The following BAZ2B variants were observed in gnomAD, a reference collection of about 807,000 sequenced individuals.
BAZ2B encodes the protein bromodomain adjacent to zinc finger domain protein 2B.
In BAZ2B, 91 loss-of-function variants were observed where a neutral mutation model predicts 246.0. The ratio of observed to expected loss-of-function variants is 0.37; its 90% CI spans 0.31 to 0.44. BAZ2B has a LOEUF of 0.44. BAZ2B is among the 20% of genes least tolerant of loss of function. The probability of loss-of-function intolerance (pLI) is 1.00; values close to 1 mark genes in which losing one functional copy is unlikely to be tolerated. For synonymous variants in BAZ2B, 855 were observed against 860.0 expected (o/e 0.99, Z 0.10); for missense variants, 2,332 against 2,533.7 (o/e 0.92, Z 1.71).
At chr2:159,657,039 A>G in the BAZ2B span, among the ~76,000 whole-genome samples, 1 of 151,978 alleles carries the variant, frequency 6.6e-6, no homozygotes, top group Non-Finnish European at 1.5e-5. Context: ...TGCTTTTGGT[A>G]TTGTATCTAA....
intron 1 of BAZ2B, among the ~76,000 whole-genome samples, chr2:159,602,579 C>T (rs1164984874): frequency 6.6e-6 from 1 of 152,094 alleles, no homozygotes; most frequent in Non-Finnish European, 1.5e-5. Context: ...AATGATTGTA[C>T]AACTACATTT....
At chr2:159,503,334 C>T (rs1156897707) in intron 2 of BAZ2B, among the ~76,000 whole-genome samples, 1 of 152,140 alleles carries the variant, frequency 6.6e-6, no homozygotes, top group Non-Finnish European at 1.5e-5. Context: ...ACTGTCTCCT[C>T]CTGCATCCAT....
chr2:159,557,667 T>G (rs1406735690), intron 1 of BAZ2B, among the ~76,000 whole-genome samples: 1 of 152,150 alleles, frequency 6.6e-6, no homozygotes, highest in Non-Finnish European at 1.5e-5. Flanking sequence ...CTGTTAGCTT[T>G]AACTCCATGA....
At position 159,438,690 on chromosome 2, in the gene BAZ2B, T is replaced by C. The variant is rs748200552; in HGVS notation, c.906A>G (p.Leu302=). The C allele has an allele frequency of 2.3e-5, 37 of 1,591,460 alleles. No homozygotes were observed. In the South Asian group the frequency reaches 3.8e-4, roughly 16 times the overall value. ...EAQHKSNNQV[L]LHGISDPKAD... The stretch of plus-strand genomic sequence containing the variant: ...CTTTTGGGTCTGAAATACCATGTAA[T>C]AGCACCTAGATATAAAAATGAAAAG... Residue 302 remains leucine, a synonymous_variant, in exon 8 of 37, where the codon CTA becomes CTG. Coordinates refer to ENST00000392783, the MANE Select transcript of BAZ2B (RefSeq NM_013450.4).
Position 159,428,370 on chromosome 2 carries a change from C to T in BAZ2B, c.2305G>A (p.Glu769Lys). ...CCACATGGAGCATAATATGCTACTT[C>T]TCCTTGAAGGCGCCCTCCAAAGTTT... ...IRNFGGRLQGEVAYYAPCGKK... is the reference protein window; with the variant it reads ...IRNFGGRLQGKVAYYAPCGKK... The change falls in exon 12 of 37, where the codon GAA becomes AAA. Residue 769 changes from glutamate (E) to lysine (K), a missense_variant. Physicochemically the swap from Glu to Lys is moderately conservative, Grantham distance 56 (BLOSUM62 1). This residue lies in a region of BAZ2B where 651 missense variants were observed against 650.9 expected (regional missense o/e 1.00). Transcript: ENST00000392783. The T allele has an allele frequency of 1.2e-6, 2 of 1,613,302 alleles. No homozygotes were observed. Among genetic ancestry groups the T allele is most frequent in the Non-Finnish European group, 8.5e-7 (1 of 1,179,640 alleles).
At chr2:159,682,015 A>G in the BAZ2B span, among the ~76,000 whole-genome samples, 1 of 152,160 alleles carries the variant, frequency 6.6e-6, no homozygotes, top group Non-Finnish European at 1.5e-5. Flanking sequence ...TCTCAGGATT[A>G]GTATAAATGG....
chr2:159,357,602 A>ATTCAGG (rs1474602239), intron 27 of BAZ2B, among the ~76,000 whole-genome samples: 2 of 150,358 alleles, frequency 1.3e-5, no homozygotes, highest in Admixed American at 6.6e-5. Context: ...CCAACATTAA[A>ATTCAGG]AAATACAGAG....
At chr2:159,340,401 G>C (rs2066456982) in intron 31 of BAZ2B, among the ~76,000 whole-genome samples, 1 of 152,112 alleles carries the variant, frequency 6.6e-6, no homozygotes, top group African/African-American at 2.4e-5. Context: ...CACATCCTGG[G>C]AGAAAGAGGA....
chr2:159,391,781 TA>T (rs2063362549), intron 20 of BAZ2B, among the ~76,000 whole-genome samples: 1 of 21,022 alleles, frequency 4.8e-5, no homozygotes, highest in Non-Finnish European at 5.8e-4. Context: ...GTCATATCGA[TA>T]TTTATGATAA....
chr2:159,471,814 T>G (rs1184307129), intron 3 of BAZ2B, among the ~76,000 whole-genome samples: 1 of 152,208 alleles, frequency 6.6e-6, no homozygotes, highest in African/African-American at 2.4e-5. Context: ...TCACTTTGAG[T>G]TGAGCATTTA....
intron 1 of BAZ2B, among the ~76,000 whole-genome samples, chr2:159,580,092 T>C (rs1686371584): frequency 6.6e-6 from 1 of 152,090 alleles, no homozygotes; most frequent in Non-Finnish European, 1.5e-5. Flanking sequence ...GAGAAAGAAA[T>C]AAAGGGTATT....
At chr2:159,559,780 A>C (rs2089633023) in intron 1 of BAZ2B, among the ~76,000 whole-genome samples, 1 of 152,216 alleles carries the variant, frequency 6.6e-6, no homozygotes, top group Non-Finnish European at 1.5e-5. Flanking sequence ...GCAAAAGGTA[A>C]TTCTTTCAAA....
At chr2:159,615,946 AC>A in intron 1 of BAZ2B, 1 of 151,230 alleles carries the variant, frequency 6.6e-6, no homozygotes, top group Non-Finnish European at 1.5e-5. Context: ...CTGAGGCCGC[AC>A]CCCCCACCTC....
At chr2:159,498,130 A>G (rs2081347709) in intron 2 of BAZ2B, among the ~76,000 whole-genome samples, 1 of 152,216 alleles carries the variant, frequency 6.6e-6, no homozygotes, top group South Asian at 2.1e-4. Context: ...GAATCAGTAC[A>G]ATGAAACTAA....
rs35570732 is a variant in BAZ2B at position 159,377,812 on chromosome 2, C to CAAAAAAAAAAAAA, written c.4006-3072_4006-3060dup. Among the ~76,000 whole-genome samples the CAAAAAAAAAAAAA allele has an allele frequency of 5.2e-4, 49 of 94,158 alleles. 3 individuals carry two copies. The highest frequency in any genetic ancestry group is 7.6e-4 in the Non-Finnish European group (35 of 46,002). 61.8% of individuals were successfully genotyped at this position (94,158 alleles called of 152,430 possible). A position where few individuals can be genotyped will look rare whatever the true frequency, so the allele number is the denominator to read the frequency against. On this transcript the variant is annotated intron_variant, in intron 25 of 36. Transcript: ENST00000392783. ...GGGTGACAGAGCGAGACTCTGTCTCCAAAAAAAAAAAAAAAAAAGAAGTGA... is the reference window on the plus strand; with the variant it reads ...GGGTGACAGAGCGAGACTCTGTCTCCAAAAAAAAAAAAAAAAAAAAAAAAAAAAAAAGAAGTGA...
intron 13 of BAZ2B, among the ~76,000 whole-genome samples, chr2:159,415,250 G>T (rs1035800750): frequency 4.6e-5 from 7 of 151,888 alleles, no homozygotes; most frequent in Non-Finnish European, 5.9e-5. Flanking sequence ...TTCAAGACCA[G>T]CCTGGCCAAT....
the BAZ2B span, among the ~76,000 whole-genome samples, chr2:159,670,266 C>T: frequency 6.6e-6 from 1 of 152,124 alleles, no homozygotes; most frequent in East Asian, 1.9e-4. Flanking sequence ...CTACCACGCC[C>T]AGCCTCTTTT....
intron 1 of BAZ2B, among the ~76,000 whole-genome samples, chr2:159,594,306 C>T (rs1431394327): frequency 6.6e-6 from 1 of 152,090 alleles, no homozygotes; most frequent in Non-Finnish European, 1.5e-5. Context: ...ACTCCGGAGG[C>T]TAAGGCAGGA....
At chr2:159,458,174 AT>A (rs1013889066) in intron 3 of BAZ2B, 3 of 151,016 alleles carry the variant, frequency 2.0e-5, no homozygotes, top group African/African-American at 2.4e-5. Flanking sequence ...CGTCCAGCTA[AT>A]TTTTTTGTAT....
Sources: gnomAD v4.1 joint callset for allele counts (sites outside exome capture counted in the v4.1 genomes callset) on GRCh38, gnomAD v4.1.1 for gene constraint, gnomAD v4.1.1 regional missense constraint, MANE v1.5 for transcripts, NCBI Gene and HGNC (gene_info 2026-07-23, HGNC 2026-07-21) for gene names.